Variants in SAFB2 observed in about 807,000 individuals in gnomAD.
SAFB2 encodes scaffold attachment factor B2.
In SAFB2, 32 loss-of-function variants were observed where a neutral mutation model predicts 100.6. The observed-to-expected ratio is 0.32, with a 90% CI of 0.24 to 0.43. SAFB2 has a LOEUF of 0.43. SAFB2 is among the 20% of genes least tolerant of loss of function. SAFB2 has a pLI of 1.00. For synonymous variants in SAFB2, 500 were observed against 439.4 expected (o/e 1.14, Z -1.72); for missense variants, 1,185 against 1,163.4 (o/e 1.02, Z -0.27).
chr19:5,609,394 C>G (rs1478733036), intron 9 of SAFB2, among the ~76,000 whole-genome samples: 1 of 150,898 alleles, frequency 6.6e-6, no homozygotes, highest in East Asian at 2.0e-4. Flanking sequence ...ACCTCTGCCT[C>G]CTGGGTTCAA....
In SAFB2 at chr19:5,613,536, C is replaced by G. The variant is rs1314327739; in HGVS notation, c.544-9G>C. On this transcript the variant is annotated splice_polypyrimidine_tract_variant and intron_variant, in intron 4 of 20. Coordinates refer to ENST00000252542, the MANE Select transcript of SAFB2 (RefSeq NM_014649.3). ...AATCCTTCCCCATCCACCTGAAAAA[C>G]AAAATGGAAGATGACTTCGTGGAGG... is the stretch of plus-strand genomic sequence containing the variant. 1 of 1,613,336 alleles carries G rather than the reference C, an allele frequency of 6.2e-7. No individual in the cohort carries two copies.
At chr19:5,592,586 G>A (rs182954699) in intron 16 of SAFB2, among the ~76,000 whole-genome samples, 161 bp downstream of exon 16, 1 of 152,314 alleles carries the variant, frequency 6.6e-6, no homozygotes, top group Non-Finnish European at 1.5e-5. Flanking sequence ...CCAGCAACTC[G>A]CTCAAGTTCT....
chr19:5,603,153 A>C (rs2052700216), intron 11 of SAFB2, among the ~76,000 whole-genome samples: 1 of 152,170 alleles, frequency 6.6e-6, no homozygotes, highest in South Asian at 2.1e-4. Context: ...CTGTAGCCCC[A>C]GCTACTAGGG....
chr19:5,604,688 T>C lies in SAFB2; in HGVS notation c.1454A>G (p.Asn485Ser), dbSNP rs898696000. 5.6e-6 allele frequency: 9 copies of C among 1,614,038 alleles called. No individual in the cohort carries two copies. In the African/African-American group the frequency reaches 1.1e-4, roughly 19 times the overall value. Residue 485 changes from asparagine (N) to serine (S), a missense_variant, in exon 11 of 21, where the codon AAT becomes AGT. Transcript: ENST00000252542. ...GGAAAGCTTTTTCCCAGCAGGCTCA[T>C]TTTTGGCCTAAAATATAATAGACAG... is the stretch of plus-strand genomic sequence containing the variant. ...GRMISVEKAKNEPAGKKLSDR... is the reference protein window; with the variant it reads ...GRMISVEKAKSEPAGKKLSDR...
intron 13 of SAFB2, among the ~76,000 whole-genome samples, chr19:5,598,266 C>G (rs778736058): frequency 6.6e-6 from 1 of 152,028 alleles, no homozygotes; most frequent in Non-Finnish European, 1.5e-5. Flanking sequence ...AGCTGGGAAG[C>G]AGAGGTTTTT....
rs904341502 is a variant in SAFB2, at chr19:5,587,453, C to T, written c.2706-54G>A. 91 of 1,553,640 alleles carry T rather than the reference C, an allele frequency of 5.9e-5. No homozygotes were observed. Among genetic ancestry groups the T allele is most frequent in the Non-Finnish European group, 1.6e-5 (18 of 1,145,960 alleles). On this transcript the variant is annotated intron_variant, in intron 20 of 20. Coordinates refer to ENST00000252542, the MANE Select transcript of SAFB2 (RefSeq NM_014649.3). The surrounding 1 kb of genome is among the most constrained non-coding windows in gnomAD (Gnocchi z 4.9). ...CCCTTGAAGTGCTCAGCGTTTTCATCGTAACATGGGTTCAGTAACGGTCCC... is the reference window on the plus strand; with the variant it reads ...CCCTTGAAGTGCTCAGCGTTTTCATTGTAACATGGGTTCAGTAACGGTCCC...
intron 12 of SAFB2, 100 bp downstream of exon 12, chr19:5,600,030 C>T (rs1568214940): frequency 1.6e-6 from 2 of 1,244,088 alleles, no homozygotes; most frequent in African/African-American, 1.5e-5. Flanking sequence ...GCGAAACAGC[C>T]ATGTCACCAG....
chr19:5,600,406 C>A, intron 11 of SAFB2, 146 bp from the exon 12 acceptor site: 2 of 1,011,322 alleles, frequency 2.0e-6, no homozygotes, highest in Non-Finnish European at 2.8e-6. Context: ...TTATTTGGAA[C>A]CCATAGTAAT....
Position 5,600,144 on chromosome 19 carries a change from C to G in SAFB2, c.1676G>C (p.Arg559Thr). The G allele has an allele frequency of 6.2e-7, 1 of 1,614,070 alleles. No homozygotes were observed. The highest frequency in any genetic ancestry group is 8.5e-7 in the Non-Finnish European group (1 of 1,179,994). Residue 559 changes from arginine to threonine, a missense_variant, in exon 12 of 21, where the codon AGA (arginine) becomes ACA (threonine). Coordinates refer to ENST00000252542, the MANE Select transcript of SAFB2 (RefSeq NM_014649.3). ...ELKPGPTNRS[R>T]VTKSGSRGME... is the part of the protein sequence containing the mutation. ...GCTCTCCTCACCTGATTTGGTGACT[C>G]TAGACCGATTTGTAGGTCCGGGTTT...
At chr19:5,612,322 T>C (rs1599269751) in intron 6 of SAFB2, 3 of 596,266 alleles carry the variant, frequency 5.0e-6, no homozygotes, top group Non-Finnish European at 5.9e-6. Flanking sequence ...GAATCACTAC[T>C]ACATTGCACC....
Position 5,587,312 on chromosome 19 carries a change from G to T in SAFB2, c.2793C>A (p.Asp931Glu). Residue 931 changes from aspartate (D) to glutamate (E), a missense_variant, in exon 21 of 21, where the codon GAC becomes GAA. Physicochemically the swap from Asp to Glu is conservative, Grantham distance 45. This residue lies in a region of SAFB2 where 740 missense variants were observed against 687.1 expected (regional missense o/e 1.08). Coordinates refer to ENST00000252542, the MANE Select transcript of SAFB2 (RefSeq NM_014649.3). The surrounding 1 kb of genome is among the most constrained non-coding windows in gnomAD (Gnocchi z 4.9). ...GLEGGGVASQ[D>E]RGSRVPHPHP... ...GTGGGTGAGGGACTCTGCTGCCCCG[G>T]TCCTGGCTGGCCACTCCGCCACCTT... 1 of 1,612,622 alleles carries T rather than the reference G, an allele frequency of 6.2e-7. No individual in the cohort carries two copies.
intron 11 of SAFB2, among the ~76,000 whole-genome samples, chr19:5,603,666 G>C (rs1380926450): frequency 2.0e-5 from 3 of 151,530 alleles, no homozygotes; most frequent in Admixed American, 2.0e-4. Flanking sequence ...GAACTCACAG[G>C]GTGCCACCGT....
At position 5,587,830 on chromosome 19, in the gene SAFB2, G is replaced by A. The variant is rs2052294473; in HGVS notation, c.2638+38C>T. On this transcript the variant is annotated intron_variant, in intron 19 of 20. Coordinates refer to ENST00000252542, the MANE Select transcript of SAFB2 (RefSeq NM_014649.3). The surrounding 1 kb of genome is among the most constrained non-coding windows in gnomAD (Gnocchi z 4.9). Reference sequence around the variant, plus strand: ...GGGGAAGCCCCTGGACACATGTGGGGGCCACAGCCACCCTCGTCCCTGGAG... The same window carrying A: ...GGGGAAGCCCCTGGACACATGTGGGAGCCACAGCCACCCTCGTCCCTGGAG... 1.9e-6 allele frequency: 3 copies of A among 1,581,682 alleles called. No individual in the cohort carries two copies. Among genetic ancestry groups the A allele is most frequent in the Admixed American group, 3.6e-5 (2 of 55,760 alleles).
chr19:5,593,763 C>T lies in SAFB2; in HGVS notation c.2207+128G>A, dbSNP rs945620887. On this transcript the variant is annotated intron_variant, in intron 15 of 20. Coordinates refer to ENST00000252542, the MANE Select transcript of SAFB2 (RefSeq NM_014649.3). ...TGAGATCGGCGGGGGGTCCCCAAGG[C>T]GCATGCTCCATATCAAATTTCATTC... 1.8e-5 allele frequency: 19 copies of T among 1,047,666 alleles called. No individual in the cohort carries two copies. The African/African-American group carries it at 2.7e-4, about 15-fold the overall frequency. The allele number at this position is 1,047,666 out of a possible 1,614,324, so 64.9% of individuals were successfully genotyped here. A position where few individuals can be genotyped will look rare whatever the true frequency, so the allele number is the denominator to read the frequency against.
In SAFB2 at chr19:5,593,917, G is replaced by A. The variant is rs2052473823; in HGVS notation, c.2181C>T (p.Pro727=). The A allele has an allele frequency of 2.0e-6, 3 of 1,527,566 alleles. No individual in the cohort carries two copies. Among genetic ancestry groups the A allele is most frequent in the South Asian group, 1.3e-5 (1 of 77,902 alleles). The allele number at this position is 1,527,566 out of a possible 1,614,324, so 94.6% of individuals were successfully genotyped here. The stretch of plus-strand genomic sequence containing the variant: ...GGTCCAGGTCGTAGGGCCTCCGCCC[G>A]GGCCGCCGCTCCTGCTCGTAACGCA... The part of the protein sequence containing the change: ...EQLRYEQERR[P]GRRPYDLDRR... The change falls in exon 15 of 21, where the codon CCC becomes CCT. Residue 727 remains proline (P), a synonymous_variant. Transcript: ENST00000252542.
intron 11 of SAFB2, 98 bp from the exon 12 acceptor site, chr19:5,600,358 C>A: frequency 2.7e-6 from 4 of 1,493,408 alleles, no homozygotes; most frequent in Non-Finnish European, 2.7e-6. Flanking sequence ...GACGTCCACA[C>A]AAAACAAATC....
rs755107481 is a variant in SAFB2, at chr19:5,592,784, G to T, written c.2311C>A (p.Arg771=). 2 of 1,614,208 alleles carry T rather than the reference G, an allele frequency of 1.2e-6. No individual in the cohort carries two copies. Among genetic ancestry groups the T allele is most frequent in the Non-Finnish European group, 1.7e-6 (2 of 1,180,034 alleles). ...PDHRFHDFDH[R]DRGQYQDHAI... is the part of the protein sequence containing the mutation. ...TGGTCCTGGTACTGGCCCCGGTCTC[G>T]ATGATCGAAGTCGTGAAAGCGGTGG... The change falls in exon 16 of 21, where the codon CGA becomes AGA. Residue 771 remains arginine (R), a synonymous_variant. Transcript: ENST00000252542.
At chr19:5,592,929 A>G (rs1249207022) in intron 15 of SAFB2, 42 bp from the exon 16 acceptor site, 1 of 1,594,928 alleles carries the variant, frequency 6.3e-7, no homozygotes, top group Non-Finnish European at 8.6e-7. Context: ...TCCATTAATG[A>G]GAGAGGAGGA....
chr19:5,590,539 G>A (rs1646065230), intron 17 of SAFB2, 131 bp from the exon 18 acceptor site: 2 of 1,037,652 alleles, frequency 1.9e-6, no homozygotes, highest in African/African-American at 1.6e-5. Context: ...GAAGGGTGCA[G>A]TCTCAGCCCT....
Sources: gnomAD v4.1 joint callset for allele counts (sites outside exome capture counted in the v4.1 genomes callset) on GRCh38, gnomAD v4.1.1 for gene constraint, gnomAD v4.1.1 regional missense constraint, Gnocchi (gnomAD v3.1) non-coding constraint, MANE v1.5 for transcripts, NCBI Gene and HGNC (gene_info 2026-07-23, HGNC 2026-07-21) for gene names.